Variants in ARHGAP15 observed in about 807,000 individuals in gnomAD.
ARHGAP15 encodes the protein rho GTPase-activating protein 15.
In ARHGAP15, 51 loss-of-function variants were observed where a neutral mutation model predicts 63.7. That is an observed-to-expected ratio of 0.80 (90% CI 0.64 to 1.01). The LOEUF (loss-of-function observed/expected upper bound fraction) is 1.01, where lower values mean the gene tolerates loss of function less well. Among genes scored for constraint, ARHGAP15 ranks in the 50% least tolerant of loss-of-function variants. The pLI, the probability that ARHGAP15 is intolerant of heterozygous loss-of-function variation, is 0.00. For missense variants in ARHGAP15, 560 were observed against 564.6 expected, an observed-to-expected ratio of 0.99 and a Z score of 0.08; for synonymous variants, 191 against 193.8, an observed-to-expected ratio of 0.99 and a Z score of 0.12.
At chr2:143,568,909 A>G (rs1237479010) in intron 11 of ARHGAP15, among the ~76,000 whole-genome samples, 1 of 152,174 alleles carries the variant, frequency 6.6e-6, no homozygotes, top group Non-Finnish European at 1.5e-5. Context: ...AAACTATCAC[A>G]AGGACAGAAA....
intron 6 of ARHGAP15, among the ~76,000 whole-genome samples, chr2:143,311,787 C>T (rs1051892610): frequency 2.0e-5 from 3 of 152,130 alleles, no homozygotes; most frequent in Non-Finnish European, 4.4e-5. Context: ...TCCCATGGAT[C>T]TGCCTGCAAA....
intron 10 of ARHGAP15, 47 bp downstream of exon 10, chr2:143,519,411 A>T (rs760512845): frequency 1.2e-5 from 18 of 1,472,962 alleles, no homozygotes; most frequent in Non-Finnish European, 1.7e-5. Flanking sequence ...TGCACCCTCT[A>T]CACAACCAAT....
chr2:143,151,623 G>C (rs1253487997), intron 1 of ARHGAP15, among the ~76,000 whole-genome samples: 1 of 151,950 alleles, frequency 6.6e-6, no homozygotes. Flanking sequence ...TATAAATTTT[G>C]ACACTGTAGT....
At chr2:143,188,404 A>T in intron 2 of ARHGAP15, among the ~76,000 whole-genome samples, 1 of 151,836 alleles carries the variant, frequency 6.6e-6, no homozygotes, top group East Asian at 1.9e-4. Context: ...AATATCAACA[A>T]AATTGCCAAA....
At chr2:143,219,032 G>A (rs1327195195) in intron 4 of ARHGAP15, among the ~76,000 whole-genome samples, 2 of 152,140 alleles carry the variant, frequency 1.3e-5, no homozygotes, top group Non-Finnish European at 2.9e-5. Flanking sequence ...GTGCATGAAC[G>A]TCTTTAAATC....
chr2:143,397,833 A>G (rs938282456), intron 6 of ARHGAP15, among the ~76,000 whole-genome samples: 1 of 152,120 alleles, frequency 6.6e-6, no homozygotes, highest in African/African-American at 2.4e-5. Context: ...TATTTGGAGT[A>G]GTCCTCTTTA....
At chr2:143,422,356 A>C (rs1688959066) in intron 6 of ARHGAP15, among the ~76,000 whole-genome samples, 1 of 152,156 alleles carries the variant, frequency 6.6e-6, no homozygotes, top group African/African-American at 2.4e-5. Flanking sequence ...AGGGATTGGG[A>C]TTATTGTTTG....
intron 6 of ARHGAP15, among the ~76,000 whole-genome samples, chr2:143,407,992 T>C (rs1688277928): frequency 2.0e-5 from 1 of 50,662 alleles, no homozygotes; most frequent in Non-Finnish European, 3.5e-5. Context: ...TGTGTGTATA[T>C]ATATATATAT....
intron 6 of ARHGAP15, among the ~76,000 whole-genome samples, chr2:143,375,516 G>A (rs1686767780): frequency 6.6e-6 from 1 of 152,184 alleles, no homozygotes; most frequent in African/African-American, 2.4e-5. Context: ...TGGAATGTCA[G>A]AGGAGGAACT....
intron 6 of ARHGAP15, among the ~76,000 whole-genome samples, chr2:143,288,110 G>A (rs986980712): frequency 6.6e-6 from 1 of 152,182 alleles, no homozygotes; most frequent in African/African-American, 2.4e-5. Context: ...CAGGACCAGT[G>A]CAAGCCCATA....
At chr2:143,399,794 C>T (rs570687332) in intron 6 of ARHGAP15, among the ~76,000 whole-genome samples, 53 of 152,110 alleles carry the variant, frequency 3.5e-4, no homozygotes, top group African/African-American at 1.3e-3. Context: ...GAAAGCCCCT[C>T]AAGCCTTCTG....
chr2:143,334,420 T>C (rs1245977520), intron 6 of ARHGAP15, among the ~76,000 whole-genome samples: 2 of 152,208 alleles, frequency 1.3e-5, no homozygotes, highest in African/African-American at 2.4e-5. Context: ...CATTGTTAGA[T>C]GCCAACTGTT....
chr2:143,549,701 G>C (rs961235338), intron 10 of ARHGAP15, among the ~76,000 whole-genome samples: 8 of 152,204 alleles, frequency 5.3e-5, no homozygotes, highest in African/African-American at 1.9e-4. Context: ...TGAGAAAGAA[G>C]ACAGTGGAGA....
At chr2:143,203,113 T>C (rs1692187895) in intron 3 of ARHGAP15, among the ~76,000 whole-genome samples, 1 of 152,114 alleles carries the variant, frequency 6.6e-6, no homozygotes, top group Non-Finnish European at 1.5e-5. Flanking sequence ...CTATGATTAC[T>C]GCATTCCTGT....
intron 11 of ARHGAP15, among the ~76,000 whole-genome samples, chr2:143,596,677 A>G (rs547943912): frequency 2.3e-4 from 35 of 152,252 alleles, no homozygotes; most frequent in African/African-American, 8.2e-4. Context: ...CCAAATGGTT[A>G]TCCTTACTTG....
chr2:143,575,963 A>G (rs1696665124), intron 11 of ARHGAP15, among the ~76,000 whole-genome samples: 1 of 152,118 alleles, frequency 6.6e-6, no homozygotes, highest in African/African-American at 2.4e-5. Flanking sequence ...CCTTCTCTAG[A>G]TGGAAGGAAT....
intron 13 of ARHGAP15, among the ~76,000 whole-genome samples, chr2:143,716,752 C>T (rs925708659): frequency 2.0e-5 from 3 of 152,224 alleles, no homozygotes; most frequent in Non-Finnish European, 4.4e-5. Context: ...GATTGTGTTT[C>T]CAGGGAAGAA....
At chr2:143,393,402 A>G (rs986083471) in intron 6 of ARHGAP15, among the ~76,000 whole-genome samples, 13 of 152,180 alleles carry the variant, frequency 8.5e-5, no homozygotes, top group African/African-American at 3.1e-4. Flanking sequence ...TAGATAATTT[A>G]CAAGAAATCT....
chr2:143,340,787 T>C (rs1428747359), intron 6 of ARHGAP15, among the ~76,000 whole-genome samples: 4 of 152,048 alleles, frequency 2.6e-5, no homozygotes, highest in Admixed American at 2.6e-4. Context: ...CTAGCACTAG[T>C]GGAAAGGTTG....
Sources: allele counts gnomAD v4.1 joint callset (sites outside exome capture counted in the v4.1 genomes callset), GRCh38; gene constraint gnomAD v4.1.1; transcripts MANE v1.5; gene names NCBI Gene and HGNC (gene_info 2026-07-23, HGNC 2026-07-21).